IMMP2L: variants seen among roughly 807,000 people sequenced by gnomAD.
IMMP2L encodes the protein mitochondrial inner membrane protease subunit 2.
A neutral mutation model predicts 19.3 loss-of-function variants in IMMP2L; 18 were observed. That is an observed-to-expected ratio of 0.93 (90% CI 0.64 to 1.38). The LOEUF (loss-of-function observed/expected upper bound fraction) is 1.38. Among genes scored for constraint, IMMP2L ranks in the 40% most tolerant of loss-of-function variants. IMMP2L has a pLI of 0.00. For synonymous variants in IMMP2L, 76 were observed against 73.0 expected (o/e 1.04, Z -0.21); for missense variants, 233 against 218.2 (o/e 1.07, Z -0.43).
chr7:110,821,839 C>T (rs1803061014), intron 5 of IMMP2L, among the ~76,000 whole-genome samples: 1 of 152,124 alleles, frequency 6.6e-6, no homozygotes, highest in African/African-American at 2.4e-5. Flanking sequence ...AGGAGAATCG[C>T]TTGAACCCAG....
intron 3 of IMMP2L, among the ~76,000 whole-genome samples, chr7:111,189,153 T>C (rs75910439): frequency 0.087 from 13,258 of 152,106 alleles, 774 homozygotes; most frequent in African/African-American, 0.15. Flanking sequence ...ATACTTTTTA[T>C]TGTGGCTATT....
intron 5 of IMMP2L, among the ~76,000 whole-genome samples, chr7:110,847,550 T>C (rs900631784): frequency 2.0e-5 from 3 of 152,170 alleles, no homozygotes; most frequent in Non-Finnish European, 4.4e-5. Flanking sequence ...AGTTGTTTTG[T>C]AGATATTAAC....
chr7:110,665,511 C>T (rs1409551114), intron 5 of IMMP2L, among the ~76,000 whole-genome samples: 2 of 152,122 alleles, frequency 1.3e-5, no homozygotes, highest in Admixed American at 6.6e-5. Flanking sequence ...TCTTCTATAG[C>T]CATTATTTTA....
intron 3 of IMMP2L, among the ~76,000 whole-genome samples, chr7:111,384,391 C>CA (rs1563127278): frequency 6.6e-6 from 1 of 151,898 alleles, no homozygotes; most frequent in African/African-American, 2.4e-5. Flanking sequence ...ACTAGGAAAT[C>CA]AGGTAGAGAT....
rs762560667 is a variant in IMMP2L, at chr7:111,214,428, C to T, written c.240-250863G>A. ...CATGATCTCTGCTCACTACAACCTC[C>T]GCCTCCTGGGTTCAAGTGATTCTCC... On this transcript the variant is annotated intron_variant, in intron 3 of 5. Transcript: ENST00000405709. Among the ~76,000 whole-genome samples, 24 of 144,336 alleles carry T rather than the reference C, an allele frequency of 1.7e-4. 1 individual carries two copies. The South Asian group carries it at 2.4e-3, about 15-fold the overall frequency. The allele number at this position is 144,336 out of a possible 152,430, so 94.7% of individuals were successfully genotyped here. A position where few individuals can be genotyped will look rare whatever the true frequency, so the allele number is the denominator to read the frequency against.
chr7:110,909,621 C>A (rs1812821433), intron 4 of IMMP2L, among the ~76,000 whole-genome samples: 1 of 152,030 alleles, frequency 6.6e-6, no homozygotes. Context: ...TTTTTGTGAA[C>A]TTACTTCCCT....
At chr7:111,268,569 C>CTCTTTTTTTTT (rs1818083564) in intron 3 of IMMP2L, among the ~76,000 whole-genome samples, 1 of 44,562 alleles carries the variant, frequency 2.2e-5, no homozygotes, top group African/African-American at 1.0e-4. Flanking sequence ...TCACATTTCT[C>CTCTTTTTTTTT]TTTTTTTTTT....
At chr7:110,984,190 T>C (rs1035012762) in intron 3 of IMMP2L, among the ~76,000 whole-genome samples, 9 of 151,934 alleles carry the variant, frequency 5.9e-5, no homozygotes, top group African/African-American at 1.2e-4. Context: ...GAAATCTGGT[T>C]TAGAAAGAAA....
intron 3 of IMMP2L, among the ~76,000 whole-genome samples, chr7:111,055,325 G>A (rs1438025154): frequency 6.6e-6 from 1 of 152,144 alleles, no homozygotes; most frequent in Non-Finnish European, 1.5e-5. Flanking sequence ...TTATAGGCGT[G>A]AGCCACCACG....
chr7:111,013,447 T>A (rs928010167), intron 3 of IMMP2L, among the ~76,000 whole-genome samples: 1 of 152,088 alleles, frequency 6.6e-6, no homozygotes, highest in Non-Finnish European at 1.5e-5. Context: ...GAGGTAAGAC[T>A]GAAAGAATTG....
intron 3 of IMMP2L, among the ~76,000 whole-genome samples, chr7:111,156,310 C>T (rs1366772017): frequency 1.6e-4 from 24 of 152,074 alleles, no homozygotes; most frequent in Admixed American, 1.6e-3. Flanking sequence ...ACTTACATTG[C>T]CATCAGCACC....
At chr7:111,423,500 C>A (rs1470049780) in intron 3 of IMMP2L, among the ~76,000 whole-genome samples, 2 of 151,760 alleles carry the variant, frequency 1.3e-5, no homozygotes, top group Non-Finnish European at 2.9e-5. Context: ...AGTTTATTTG[C>A]GTAAAGGTGT....
chr7:110,905,801 G>C (rs1355107862), intron 4 of IMMP2L, among the ~76,000 whole-genome samples: 2 of 152,104 alleles, frequency 1.3e-5, no homozygotes, highest in Non-Finnish European at 2.9e-5. Context: ...TTTTTTTAAA[G>C]TTGGCAAAGG....
intron 3 of IMMP2L, among the ~76,000 whole-genome samples, chr7:111,284,702 T>A (rs1047420376): frequency 6.6e-6 from 1 of 152,088 alleles, no homozygotes; most frequent in Non-Finnish European, 1.5e-5. Flanking sequence ...GAAAACTGGA[T>A]GAAGTGTTGC....
At chr7:111,229,135 G>T (rs187157038) in intron 3 of IMMP2L, among the ~76,000 whole-genome samples, 55 of 151,976 alleles carry the variant, frequency 3.6e-4, no homozygotes, top group African/African-American at 1.3e-3. Context: ...GTTCTACGCG[G>T]TTGCCTTTAT....
chr7:110,713,162 G>A (rs1315465119), intron 5 of IMMP2L, among the ~76,000 whole-genome samples: 2 of 152,138 alleles, frequency 1.3e-5, no homozygotes, highest in East Asian at 3.9e-4. Context: ...TTATTTAATA[G>A]GGAGTCCTTT....
intron 5 of IMMP2L, among the ~76,000 whole-genome samples, chr7:110,818,611 T>C (rs555917678): frequency 5.9e-5 from 9 of 152,268 alleles, no homozygotes; most frequent in African/African-American, 1.7e-4. Flanking sequence ...ATCCCATTAC[T>C]GGGTATATAC....
Position 111,461,041 on chromosome 7 carries a change from T to G in IMMP2L, c.239+26197A>C, listed in dbSNP as rs898996667. Among the ~76,000 whole-genome samples the G allele has an allele frequency of 2.6e-5, 4 of 152,114 alleles. No homozygotes were observed. In the East Asian group the frequency reaches 7.7e-4, roughly 29 times the overall value. ...ATGTTACCATAAACTCTTCACAGGC[T>G]TCACTTTAGGTATGGTATTCCATCA... On this transcript the variant is annotated intron_variant, in intron 3 of 5. Transcript: ENST00000405709.
At chr7:111,544,285 T>C (rs536238631) in intron 1 of IMMP2L, among the ~76,000 whole-genome samples, 10 of 152,102 alleles carry the variant, frequency 6.6e-5, no homozygotes, top group Admixed American at 5.2e-4. Context: ...TTAGGAGATA[T>C]ACCTAATGTA....
Sources: allele counts gnomAD v4.1 joint callset (sites outside exome capture counted in the v4.1 genomes callset), GRCh38; gene constraint gnomAD v4.1.1; transcripts MANE v1.5; gene names NCBI Gene and HGNC (gene_info 2026-07-23, HGNC 2026-07-21).